TAC1: variants seen among roughly 807,000 people sequenced by gnomAD.
TAC1 encodes tachykinin precursor 1.
TAC1 carries 12 observed loss-of-function variants against 21.7 expected under a neutral mutation model. The observed-to-expected ratio is 0.55, with a 90% CI of 0.35 to 0.89. The LOEUF (loss-of-function observed/expected upper bound fraction) is 0.89. Ranked by LOEUF, TAC1 falls within the 40% of genes least tolerant of loss-of-function variation. TAC1 has a pLI of 0.01. For synonymous variants in TAC1, 52 were observed against 52.0 expected (o/e 1.00, Z 0.00); for missense variants, 128 against 151.4 (o/e 0.85, Z 0.81).
intron 5 of TAC1, among the ~76,000 whole-genome samples, chr7:97,735,401 A>G (rs777884668): frequency 5.3e-5 from 8 of 152,198 alleles, no homozygotes; most frequent in Non-Finnish European, 1.2e-4. Context: ...GGAAAACTCG[A>G]TCAGTAAAAC....
Position 97,734,828 on chromosome 7 carries a change from C to A in TAC1, c.268C>A (p.His90Asn). 6.3e-7 allele frequency: 1 copy of A among 1,595,720 alleles called. No individual in the cohort carries two copies. Among genetic ancestry groups the A allele is most frequent in the Admixed American group, 1.7e-5 (1 of 59,282 alleles). The part of the protein sequence containing the change: ...QVALLKALYG[H>N]GQISHKRHKT... Reference sequence around the variant, plus strand: ...TGCTAATTTTATCTTTCTTCTAGGACATGGCCAGATCTCTCACAAAAGTAA... The same window carrying A: ...TGCTAATTTTATCTTTCTTCTAGGAAATGGCCAGATCTCTCACAAAAGTAA... Residue 90 changes from histidine (H) to asparagine (N), a missense_variant and splice_region_variant, in exon 5 of 7, where the codon CAT becomes AAT. By Grantham distance (68) the His-to-Asn change is moderately conservative. Transcript: ENST00000319273.
chr7:97,734,216 C>T (rs1475211806), intron 3 of TAC1, 32 bp from the exon 4 acceptor site: 1 of 1,608,340 alleles, frequency 6.2e-7, no homozygotes, highest in Admixed American at 1.7e-5. Context: ...GTCAGTGGAA[C>T]ATGTAGTTAA....
At position 97,732,723 on chromosome 7, in the gene TAC1, C is replaced by A. The variant is rs534052563; in HGVS notation, c.111C>A (p.Ser37Arg). The change falls in exon 2 of 7, where the codon AGC becomes AGA. Residue 37 changes from serine to arginine, a missense_variant. Physicochemically the swap from Ser to Arg is moderately radical, Grantham distance 110. Coordinates refer to ENST00000319273, the MANE Select transcript of TAC1 (RefSeq NM_003182.3). The surrounding 1 kb of genome is among the most constrained non-coding windows in gnomAD (Gnocchi z 6.2). Reference protein sequence around the residue: ...DLNYWSDWYDSDQIKEELPEP... With the variant: ...DLNYWSDWYDRDQIKEELPEP... ...ATTACTGGTCCGACTGGTACGACAG[C>A]GACCAGATCAAGGTGAGGCCCCTTC... 6.2e-7 allele frequency: 1 copy of A among 1,613,786 alleles called. No individual in the cohort carries two copies. Among genetic ancestry groups the A allele is most frequent in the Admixed American group, 1.7e-5 (1 of 60,012 alleles).
rs535425812 is a variant in TAC1, at chr7:97,733,339, GC to G, written c.124-380del. On this transcript the variant is annotated intron_variant, in intron 2 of 6. Coordinates refer to ENST00000319273, the MANE Select transcript of TAC1 (RefSeq NM_003182.3). ...GTCACCCTTCCCCACCGGAGCCCCA[GC>G]CCCAGATCCCACACACCTGTGTGCA... Among the ~76,000 whole-genome samples, 510 of 152,112 alleles carry G rather than the reference GC, an allele frequency of 3.4e-3. 1 individual carries two copies. Among genetic ancestry groups the G allele is most frequent in the African/African-American group, 0.012 (482 of 41,514 alleles).
rs747747840 is a variant in TAC1 at position 97,732,632 on chromosome 7, T to G, written c.20T>G (p.Leu7Trp). The G allele has an allele frequency of 8.7e-6, 14 of 1,614,042 alleles. No homozygotes were observed. In the Admixed American group the frequency reaches 2.3e-4, roughly 27 times the overall value. MKILVA[L>W]AVFFLVSTQL... Reference sequence around the variant, plus strand: ...TCCAACATGAAAATCCTCGTGGCCTTGGCAGTCTTTTTTCTTGTCTCCACT... The same window carrying G: ...TCCAACATGAAAATCCTCGTGGCCTGGGCAGTCTTTTTTCTTGTCTCCACT... Residue 7 changes from leucine to tryptophan, a missense_variant, in exon 2 of 7, where the codon TTG becomes TGG. By Grantham distance (61) the Leu-to-Trp change is moderately conservative (BLOSUM62 -2). Transcript: ENST00000319273. This position sits in a 1 kb window ranked among gnomAD's most constrained non-coding sequence, Gnocchi z 6.2.
At position 97,740,125 on chromosome 7, in the gene TAC1, G is replaced by T; in HGVS notation, c.*205G>T. On this transcript the variant is annotated 3_prime_UTR_variant, in exon 7 of 7. Transcript: ENST00000319273. ...CCAATATGATGACTCCCTTAAAATA[G>T]AAATAAGTGGTTATTTCTCAACAAA... The T allele has an allele frequency of 1.0e-5, 4 of 382,736 alleles. No individual in the cohort carries two copies. The highest frequency in any genetic ancestry group is 1.9e-5 in the Non-Finnish European group (4 of 213,868). 23.7% of individuals were successfully genotyped at this position (382,736 alleles called of 1,614,324 possible).
chr7:97,733,895 G>A (rs1014368806), intron 3 of TAC1, 76 bp downstream of exon 3: 1 of 1,396,550 alleles, frequency 7.2e-7, no homozygotes, highest in Non-Finnish European at 1.0e-6. Flanking sequence ...GTACCCCAGG[G>A]TCTCTCGCTC....
At chr7:97,733,353 A>G (rs1286851080) in intron 2 of TAC1, among the ~76,000 whole-genome samples, 2 of 151,974 alleles carry the variant, frequency 1.3e-5, no homozygotes, top group Admixed American at 6.6e-5. Context: ...CAGATCCCAC[A>G]CACCTGTGTG....
In TAC1 at chr7:97,740,104, TATG is replaced by T. The variant is rs1348599401; in HGVS notation, c.*189_*191del. ...TTGTAAACATGTGTTTTAATTCCAA[TATG>T]ATGACTCCCTTAAAATAGAAATAAG... On this transcript the variant is annotated 3_prime_UTR_variant, in exon 7 of 7. Transcript: ENST00000319273. 10 of 424,684 alleles carry T rather than the reference TATG, an allele frequency of 2.4e-5. No homozygotes were observed. In the Admixed American group the frequency reaches 3.0e-4, roughly 13 times the overall value. 26.3% of individuals were successfully genotyped at this position (424,684 alleles called of 1,614,324 possible).
chr7:97,739,063 A>G (rs1789641259), intron 6 of TAC1, among the ~76,000 whole-genome samples: 3 of 140,368 alleles, frequency 2.1e-5, no homozygotes, highest in Non-Finnish European at 4.8e-5. Flanking sequence ...TATTTAAATT[A>G]CTTGCTAGCT....
intron 6 of TAC1, among the ~76,000 whole-genome samples, 155 bp from the exon 7 acceptor site, chr7:97,739,719 T>C (rs1789659887): frequency 6.6e-6 from 1 of 152,006 alleles, no homozygotes; most frequent in Admixed American, 6.6e-5. Context: ...TGAGGCAGGA[T>C]TGGAAGATGT....
At chr7:97,737,813 T>C (rs992247486) in intron 6 of TAC1, among the ~76,000 whole-genome samples, 1 of 152,036 alleles carries the variant, frequency 6.6e-6, no homozygotes, top group Non-Finnish European at 1.5e-5. Context: ...TTCCCACTTT[T>C]GGAAATGAAA....
At chr7:97,734,127 G>A (rs1789505500) in intron 3 of TAC1, 121 bp from the exon 4 acceptor site, 1 of 986,316 alleles carries the variant, frequency 1.0e-6, no homozygotes, top group Non-Finnish European at 1.5e-6. Context: ...GCATGTGGAA[G>A]AGGATTTTAT....
At chr7:97,735,026 T>C (rs778252768) in intron 5 of TAC1, among the ~76,000 whole-genome samples, 177 bp downstream of exon 5, 1 of 152,194 alleles carries the variant, frequency 6.6e-6, no homozygotes, top group South Asian at 2.1e-4. Context: ...TTTAGACATA[T>C]TGTACTTAGC....
At chr7:97,738,920 AT>A (rs755544303) in intron 6 of TAC1, among the ~76,000 whole-genome samples, 9 of 151,764 alleles carry the variant, frequency 5.9e-5, no homozygotes, top group Non-Finnish European at 1.2e-4. Context: ...GATGAAAAAT[AT>A]CCCAAAATAC....
chr7:97,740,395 G>T lies in TAC1; in HGVS notation c.*475G>T, dbSNP rs1789683545. On this transcript the variant is annotated 3_prime_UTR_variant, in exon 7 of 7. Coordinates refer to ENST00000319273, the MANE Select transcript of TAC1 (RefSeq NM_003182.3). ...TAGAGATGTTTTTAAAAGTTTCAATGTGATTCTAATGTCTTCATTTCATTG... is the reference window on the plus strand; with the variant it reads ...TAGAGATGTTTTTAAAAGTTTCAATTTGATTCTAATGTCTTCATTTCATTG... 1 of 152,560 alleles carries T rather than the reference G, an allele frequency of 6.6e-6. No homozygotes were observed. The highest frequency in any genetic ancestry group is 1.5e-5 in the Non-Finnish European group (1 of 68,072). 9.5% of individuals were successfully genotyped at this position (152,560 alleles called of 1,614,324 possible).
intron 2 of TAC1, 106 bp from the exon 3 acceptor site, chr7:97,733,617 C>A: frequency 9.2e-7 from 1 of 1,085,278 alleles, no homozygotes; most frequent in Non-Finnish European, 1.4e-6. Context: ...GGAAGGCCGC[C>A]TCCCCACGCC....
Position 97,732,956 on chromosome 7 carries a change from C to T in TAC1, c.123+221C>T. 1.8e-6 allele frequency: 1 copy of T among 549,590 alleles called. No homozygotes were observed. Among genetic ancestry groups the T allele is most frequent in the Non-Finnish European group, 3.1e-6 (1 of 318,186 alleles). 34.0% of individuals were successfully genotyped at this position (549,590 alleles called of 1,614,324 possible). A position where few individuals can be genotyped will look rare whatever the true frequency, so the allele number is the denominator to read the frequency against. ...TTCCCGAGGGCTGCACCGTCCGGCC[C>T]AGGAACTCCCTGCAGTAGGGATGCC... On this transcript the variant is annotated intron_variant, in intron 2 of 6. Coordinates refer to ENST00000319273, the MANE Select transcript of TAC1 (RefSeq NM_003182.3). The surrounding 1 kb of genome is among the most constrained non-coding windows in gnomAD (Gnocchi z 6.2).
chr7:97,739,255 C>T (rs1455113276), intron 6 of TAC1, among the ~76,000 whole-genome samples: 1 of 151,886 alleles, frequency 6.6e-6, no homozygotes, highest in African/African-American at 2.4e-5. Context: ...GAGACCCCTA[C>T]ACAATTAGAT....
Sources: gnomAD v4.1 joint callset for allele counts (sites outside exome capture counted in the v4.1 genomes callset) on GRCh38, gnomAD v4.1.1 for gene constraint, Gnocchi (gnomAD v3.1) non-coding constraint, MANE v1.5 for transcripts, NCBI Gene and HGNC (gene_info 2026-07-23, HGNC 2026-07-21) for gene names.